Variants in EML6 observed in about 807,000 individuals in gnomAD.
The protein encoded by EML6 is EMAP like 6, also known as echinoderm microtubule-associated protein-like 6.
EML6 carries 154 observed loss-of-function variants against 240.1 expected under a neutral mutation model. The observed-to-expected ratio is 0.64, with a 90% CI of 0.56 to 0.73. The LOEUF is 0.73. Ranked by LOEUF, EML6 falls within the 30% of genes least tolerant of loss-of-function variation. The pLI is 0.00. For missense variants in EML6, 2,964 were observed against 2,474.6 expected, an observed-to-expected ratio of 1.20 and a Z score of -4.20; for synonymous variants, 1,148 against 899.0, an observed-to-expected ratio of 1.28 and a Z score of -4.95.
chr2:54,913,937 T>C (rs939510040), intron 25 of EML6, among the ~76,000 whole-genome samples: 1 of 152,212 alleles, frequency 6.6e-6, no homozygotes, highest in African/African-American at 2.4e-5. Flanking sequence ...TTGCTTATTT[T>C]TGTTGACTGT....
chr2:54,754,106 G>A (rs1453417878), intron 2 of EML6, among the ~76,000 whole-genome samples: 2 of 150,810 alleles, frequency 1.3e-5, no homozygotes, highest in Non-Finnish European at 3.0e-5. Flanking sequence ...CTGCATTCCA[G>A]TCTGGGAGAC....
At chr2:54,906,814 G>C (rs1673350340) in intron 24 of EML6, among the ~76,000 whole-genome samples, 1 of 152,214 alleles carries the variant, frequency 6.6e-6, no homozygotes, top group Non-Finnish European at 1.5e-5. Context: ...CTGATCTCGA[G>C]AATGTGCCAT....
intron 11 of EML6, among the ~76,000 whole-genome samples, chr2:54,857,157 G>T (rs368262907): frequency 6.6e-6 from 1 of 152,168 alleles, no homozygotes; most frequent in African/African-American, 2.4e-5. Flanking sequence ...GGAATGTCTC[G>T]GTCTGTTTTC....
intron 7 of EML6, among the ~76,000 whole-genome samples, chr2:54,840,745 CA>C (rs1260655012): frequency 2.0e-5 from 3 of 152,184 alleles, no homozygotes; most frequent in Admixed American, 2.0e-4. Flanking sequence ...GTCACTGTGC[CA>C]GGTATTGAGG....
intron 25 of EML6, among the ~76,000 whole-genome samples, chr2:54,912,205 C>T (rs899370264): frequency 2.6e-5 from 4 of 152,134 alleles, no homozygotes; most frequent in Non-Finnish European, 5.9e-5. Flanking sequence ...TAGATCATGG[C>T]ATTGTATTAA....
intron 26 of EML6, 127 bp downstream of exon 26, chr2:54,917,062 G>T (rs531189547): frequency 3.0e-6 from 2 of 672,172 alleles, no homozygotes; most frequent in Middle Eastern, 4.4e-4. Flanking sequence ...TATTTATGCT[G>T]TATAAAAACC....
At chr2:54,786,921 C>G (rs1261016903) in intron 2 of EML6, among the ~76,000 whole-genome samples, 1 of 152,126 alleles carries the variant, frequency 6.6e-6, no homozygotes, top group African/African-American at 2.4e-5. Context: ...GGTGTGTAAG[C>G]CTTTTTCTCT....
In EML6 at chr2:54,813,236, G is replaced by A. The variant is rs1366088685; in HGVS notation, c.202G>A (p.Ala68Thr). ...LGHNDDIISL[A>T]LHPDKTLVAT... ...AAGAAACCTTTTCTCTTTCAGCCTT[G>A]CCTTACACCCAGACAAAACTCTCGT... The change falls in exon 3 of 42, where the codon GCC (alanine) becomes ACC (threonine). Residue 68 changes from alanine (A) to threonine (T), a missense_variant. Physicochemically the swap from Ala to Thr is moderately conservative, Grantham distance 58 (BLOSUM62 0). Coordinates refer to ENST00000356458, the MANE Select transcript of EML6 (RefSeq NM_001039753.4). The A allele has an allele frequency of 6.5e-7, 1 of 1,547,910 alleles. No individual in the cohort carries two copies. Among genetic ancestry groups the A allele is most frequent in the East Asian group, 2.4e-5 (1 of 40,868 alleles).
intron 7 of EML6, among the ~76,000 whole-genome samples, chr2:54,841,105 G>C (rs942976469): frequency 2.6e-5 from 4 of 152,256 alleles, no homozygotes; most frequent in Admixed American, 2.6e-4. Flanking sequence ...AAGGAGGGGG[G>C]GCTGTGGCAA....
intron 34 of EML6, 61 bp downstream of exon 34, chr2:54,959,322 A>C: frequency 2.1e-6 from 3 of 1,442,638 alleles, no homozygotes; most frequent in South Asian, 1.4e-5. Context: ...AGAAACTGAC[A>C]AAAGTGTTCC....
chr2:54,853,631 G>T lies in EML6; in HGVS notation c.1445-12G>T, dbSNP rs1461827555. ...TTTATTTAAATGTAATGTTAATATT[G>T]ATTATTTTCAGCTGGGAAGCCTTTA... On this transcript the variant is annotated splice_polypyrimidine_tract_variant and intron_variant, in intron 10 of 41. Coordinates refer to ENST00000356458, the MANE Select transcript of EML6 (RefSeq NM_001039753.4). 1 of 1,474,690 alleles carries T rather than the reference G, an allele frequency of 6.8e-7. No homozygotes were observed. The highest frequency in any genetic ancestry group is 2.5e-5 in the East Asian group (1 of 40,088). The allele number at this position is 1,474,690 out of a possible 1,614,324, so 91.4% of individuals were successfully genotyped here. A position where few individuals can be genotyped will look rare whatever the true frequency, so the allele number is the denominator to read the frequency against.
intron 2 of EML6, among the ~76,000 whole-genome samples, chr2:54,775,266 G>C (rs755241246): frequency 2.6e-5 from 4 of 152,144 alleles, no homozygotes; most frequent in Non-Finnish European, 4.4e-5. Context: ...TCCTCGCTAG[G>C]CCCTGCAGGC....
At chr2:54,963,224 G>A (rs889628826) in intron 36 of EML6, among the ~76,000 whole-genome samples, 7 of 152,166 alleles carry the variant, frequency 4.6e-5, no homozygotes, top group African/African-American at 1.4e-4. Flanking sequence ...AAAATACTTG[G>A]TTTCATTTTA....
intron 2 of EML6, among the ~76,000 whole-genome samples, chr2:54,764,819 A>C (rs1246174097): frequency 6.6e-6 from 1 of 152,208 alleles, no homozygotes; most frequent in Non-Finnish European, 1.5e-5. Flanking sequence ...TATGCATGGT[A>C]GGAGATGCCA....
In EML6 at chr2:54,895,007, A is replaced by G. The variant is rs1672686436; in HGVS notation, c.2835A>G (p.Ala945=). The G allele has an allele frequency of 1.3e-6, 2 of 1,550,964 alleles. No homozygotes were observed. Among genetic ancestry groups the G allele is most frequent in the Non-Finnish European group, 1.7e-6 (2 of 1,146,230 alleles). The change falls in exon 20 of 42, where the codon GCA becomes GCG. Residue 945 remains alanine (A), a synonymous_variant. Transcript: ENST00000356458. ...CLKTYAIKRS[A]LSTSSKGLLL... ...AGACTTATGCCATTAAAAGATCAGC[A>G]TTGTCGACTAGCTCAAAAGGTGCCA... is the stretch of plus-strand genomic sequence containing the variant.
At chr2:54,807,999 A>G (rs1321088345) in intron 2 of EML6, among the ~76,000 whole-genome samples, 1 of 152,208 alleles carries the variant, frequency 6.6e-6, no homozygotes, top group East Asian at 1.9e-4. Context: ...CATTAGATGC[A>G]CCACTCATCA....
At chr2:54,905,555 T>C (rs1673283179) in intron 24 of EML6, among the ~76,000 whole-genome samples, 1 of 152,218 alleles carries the variant, frequency 6.6e-6, no homozygotes, top group Non-Finnish European at 1.5e-5. Flanking sequence ...AACAAAAATG[T>C]ACCATTTTAA....
At chr2:54,950,918 A>C in intron 30 of EML6, 139 bp downstream of exon 30, 1 of 934,340 alleles carries the variant, frequency 1.1e-6, no homozygotes, top group Non-Finnish European at 1.6e-6. Context: ...GGTCTCAGTT[A>C]GGCCTGGTAA....
intron 2 of EML6, among the ~76,000 whole-genome samples, chr2:54,765,499 C>T (rs1338907062): frequency 6.6e-6 from 1 of 152,114 alleles, no homozygotes; most frequent in African/African-American, 2.4e-5. Context: ...CTCGCTTAGT[C>T]GCCCAGGTTG....
Sources: gnomAD v4.1 joint callset for allele counts (sites outside exome capture counted in the v4.1 genomes callset) on GRCh38, gnomAD v4.1.1 for gene constraint, MANE v1.5 for transcripts, NCBI Gene and HGNC (gene_info 2026-07-23, HGNC 2026-07-21) for gene names.